TRPC5: variants seen among roughly 807,000 people sequenced by gnomAD.
TRPC5 encodes the protein transient receptor potential cation channel subfamily C member 5.
Under a neutral mutation model 56.5 loss-of-function variants are expected in TRPC5, and 9 were observed. The observed-to-expected ratio is 0.16, with a 90% CI of 0.10 to 0.28. The LOEUF (loss-of-function observed/expected upper bound fraction) is 0.28, where lower values mean the gene tolerates loss of function less well. TRPC5 is among the 10% of genes least tolerant of loss of function. The pLI, the probability that TRPC5 is intolerant of heterozygous loss-of-function variation, is 1.00. For synonymous variants in TRPC5, 282 were observed against 278.5 expected, an observed-to-expected ratio of 1.01 and a Z score of -0.13; for missense variants, 469 against 748.9, an observed-to-expected ratio of 0.63 and a Z score of 4.36.
chrX:111,819,947 T>C (rs1449056338), intron 7 of TRPC5, among the ~76,000 whole-genome samples: 1 of 112,103 alleles, frequency 8.9e-6, no homozygotes, highest in Non-Finnish European at 1.9e-5. Flanking sequence ...ATCTGTAACA[T>C]TCAGATAATA....
At chrX:112,032,463 A>T (rs749697841) in intron 1 of TRPC5, among the ~76,000 whole-genome samples, 3 of 112,321 alleles carry the variant, frequency 2.7e-5, no homozygotes, top group Non-Finnish European at 5.6e-5. Flanking sequence ...TTATTGAAGA[A>T]CTGTTCACAA....
At chrX:112,009,226 A>C (rs1376280531) in intron 1 of TRPC5, among the ~76,000 whole-genome samples, 1 of 111,706 alleles carries the variant, frequency 9.0e-6, no homozygotes, top group Non-Finnish European at 1.9e-5. Context: ...AGTTGGGTGT[A>C]GTTTATGAAT....
intron 1 of TRPC5, among the ~76,000 whole-genome samples, chrX:112,035,807 A>G (rs1448604400): frequency 2.8e-5 from 3 of 107,581 alleles, no homozygotes; most frequent in African/African-American, 1.0e-4. Flanking sequence ...AATTTTTTGT[A>G]TGTTTAGGAG....
intron 1 of TRPC5, among the ~76,000 whole-genome samples, chrX:111,995,039 T>C (rs111278788): frequency 1.3e-4 from 15 of 112,158 alleles, no homozygotes; most frequent in African/African-American, 4.8e-4. Context: ...CCTTGTCTTG[T>C]GCCAGTTTTC....
chrX:111,969,005 TAAAATA>T (rs1433721551), intron 1 of TRPC5, among the ~76,000 whole-genome samples: 1 of 88,838 alleles, frequency 1.1e-5, no homozygotes, highest in East Asian at 3.0e-4. Context: ...TAAAATAAAA[TAAAATA>T]AAATAAAATA....
At chrX:111,965,517 A>G (rs1176551663) in intron 1 of TRPC5, among the ~76,000 whole-genome samples, 3 of 112,042 alleles carry the variant, frequency 2.7e-5, no homozygotes, top group Non-Finnish European at 5.6e-5. Flanking sequence ...TCAACAGAAT[A>G]TACATTTTTT....
intron 7 of TRPC5, among the ~76,000 whole-genome samples, chrX:111,801,676 C>T (rs1603034201): frequency 8.9e-6 from 1 of 111,863 alleles, no homozygotes; most frequent in East Asian, 2.8e-4. Flanking sequence ...GCTCATTGAC[C>T]ATTTGTACAT....
At chrX:111,891,987 G>A (rs1924830338) in intron 3 of TRPC5, among the ~76,000 whole-genome samples, 1 of 112,195 alleles carries the variant, frequency 8.9e-6, no homozygotes. Flanking sequence ...AAACAGAAGG[G>A]CCTTTCCTTT....
Position 111,775,153 on chromosome X carries a change from T to A in TRPC5, c.*1160A>T, listed in dbSNP as rs1374481722. The A allele has an allele frequency of 8.9e-6, 1 of 111,995 alleles. No homozygotes were observed. The highest frequency in any genetic ancestry group is 1.9e-5 in the Non-Finnish European group (1 of 53,199). 9.2% of individuals were successfully genotyped at this position (111,995 alleles called of 1,213,427 possible). A position where few individuals can be genotyped will look rare whatever the true frequency, so the allele number is the denominator to read the frequency against. ...TGGATCACGTTTATAATTCCATGAA[T>A]CCACTAGGGTTGTTATGATATATAT... On this transcript the variant is annotated 3_prime_UTR_variant, in exon 11 of 11. Coordinates refer to ENST00000262839, the MANE Select transcript of TRPC5 (RefSeq NM_012471.3).
chrX:111,910,399 G>A (rs1925777713), intron 3 of TRPC5, among the ~76,000 whole-genome samples: 1 of 112,103 alleles, frequency 8.9e-6, no homozygotes, highest in Non-Finnish European at 1.9e-5. Context: ...CAGCAGGGCT[G>A]TGGGAGAGAG....
Position 112,053,697 on chromosome X carries a change from T to C in TRPC5, c.-22+28182A>G, listed in dbSNP as rs1042677809. Among the ~76,000 whole-genome samples, 10 of 110,635 alleles carry C rather than the reference T, an allele frequency of 9.0e-5. No homozygotes were observed. In the South Asian group the frequency reaches 1.2e-3, roughly 13 times the overall value. ...TATAGGAAGGGGGAGGAAGAAAGCA[T>C]GTGTGTTTGTGTGTGTGTATAAAAT... On this transcript the variant is annotated intron_variant, in intron 1 of 10. Coordinates refer to ENST00000262839, the MANE Select transcript of TRPC5 (RefSeq NM_012471.3).
intron 1 of TRPC5, among the ~76,000 whole-genome samples, chrX:112,065,429 A>G (rs1930559519): frequency 8.9e-6 from 1 of 112,059 alleles, no homozygotes; most frequent in Non-Finnish European, 1.9e-5. Flanking sequence ...CCTATCACCA[A>G]GAGCTATCAA....
intron 3 of TRPC5, among the ~76,000 whole-genome samples, chrX:111,905,233 C>G (rs1180191231): frequency 9.1e-6 from 1 of 110,242 alleles, no homozygotes; most frequent in Admixed American, 9.7e-5. Context: ...ACTAGATGTA[C>G]TTAGTGATAC....
chrX:112,049,949 G>A (rs764455893), intron 1 of TRPC5, among the ~76,000 whole-genome samples: 1 of 111,220 alleles, frequency 9.0e-6, no homozygotes, highest in East Asian at 2.8e-4. Context: ...GCTGAGGCAG[G>A]CGGATCACCT....
chrX:111,944,322 G>GAGAA (rs1926876172), intron 2 of TRPC5, among the ~76,000 whole-genome samples: 1 of 106,784 alleles, frequency 9.4e-6, no homozygotes, highest in Non-Finnish European at 1.9e-5. Context: ...GAGAGAGAGA[G>GAGAA]AGAGAGAGAG....
At chrX:112,016,155 C>A (rs1456948727) in intron 1 of TRPC5, among the ~76,000 whole-genome samples, 1 of 111,659 alleles carries the variant, frequency 9.0e-6, no homozygotes, top group Non-Finnish European at 1.9e-5. Context: ...GGGTGGGGAA[C>A]AACTAGACAG....
intron 1 of TRPC5, among the ~76,000 whole-genome samples, chrX:111,963,335 C>A (rs959391397): frequency 6.2e-5 from 7 of 112,543 alleles, no homozygotes; most frequent in African/African-American, 2.3e-4. Flanking sequence ...GAAGCTCGAA[C>A]TGGGTGGAGC....
intron 3 of TRPC5, among the ~76,000 whole-genome samples, chrX:111,879,781 A>G (rs1171563273): frequency 3.5e-5 from 4 of 112,693 alleles, no homozygotes; most frequent in Non-Finnish European, 7.5e-5. Flanking sequence ...TTCAGGTTAA[A>G]TCATGCCAGG....
rs1321577833 is a variant in TRPC5, at chrX:111,905,869, C to T, written c.900+6422G>A. Reference sequence around the variant, plus strand: ...GGCGGAGCTTGCAGTGAGCCAAGATCGTGCCACTGCACTCCAGCCTGGGCG... The same window carrying T: ...GGCGGAGCTTGCAGTGAGCCAAGATTGTGCCACTGCACTCCAGCCTGGGCG... On this transcript the variant is annotated intron_variant, in intron 3 of 10. Transcript: ENST00000262839. 5.0e-5 allele frequency among the ~76,000 whole-genome samples: 5 copies of T among 99,274 alleles called. No homozygotes were observed. The East Asian group carries it at 1.6e-3, about 31-fold the overall frequency. The allele number at this position is 99,274 out of a possible 115,157, so 86.2% of individuals were successfully genotyped here.
Sources: gnomAD v4.1 joint callset for allele counts (sites outside exome capture counted in the v4.1 genomes callset) on GRCh38, gnomAD v4.1.1 for gene constraint, MANE v1.5 for transcripts, NCBI Gene and HGNC (gene_info 2026-07-23, HGNC 2026-07-21) for gene names.